EIF2AK1: variants seen among roughly 807,000 people sequenced by gnomAD.
The protein encoded by EIF2AK1 is eukaryotic translation initiation factor 2 alpha kinase 1.
EIF2AK1 carries 54 observed loss-of-function variants against 77.9 expected under a neutral mutation model. The observed-to-expected ratio is 0.69, with a 90% CI of 0.56 to 0.87. The LOEUF is 0.87. Among genes scored for constraint, EIF2AK1 ranks in the 40% least tolerant of loss-of-function variants. EIF2AK1 has a pLI of 0.00. For missense variants in EIF2AK1, 810 were observed against 768.6 expected, an observed-to-expected ratio of 1.05 and a Z score of -0.64; for synonymous variants, 314 against 290.5, an observed-to-expected ratio of 1.08 and a Z score of -0.82.
chr7:6,028,550 C>T lies in EIF2AK1; in HGVS notation c.1530+65G>A, dbSNP rs547231558. ...TACAGGCGTGAGCCACTGCACCCAA[C>T]CCTGTATTGTTATTTAAGACTGCAG... On this transcript the variant is annotated intron_variant, in intron 13 of 14. Transcript: ENST00000199389. 1.8e-5 allele frequency: 28 copies of T among 1,530,014 alleles called. No homozygotes were observed. In the East Asian group the frequency reaches 5.6e-4, roughly 31 times the overall value. 94.8% of individuals were successfully genotyped at this position (1,530,014 alleles called of 1,614,324 possible). A position where few individuals can be genotyped will look rare whatever the true frequency, so the allele number is the denominator to read the frequency against.
chr7:6,030,285 G>C (rs1787869231), intron 11 of EIF2AK1, among the ~76,000 whole-genome samples: 1 of 152,174 alleles, frequency 6.6e-6, no homozygotes, highest in Admixed American at 6.6e-5. Context: ...CGTCCGGGAA[G>C]ATCGTAACCC....
chr7:6,046,010 AC>A, intron 6 of EIF2AK1, 60 bp downstream of exon 6: 1 of 1,150,382 alleles, frequency 8.7e-7, no homozygotes, highest in Non-Finnish European at 1.2e-6. Flanking sequence ...TACATGTATA[AC>A]TCTTTCAAAA....
Position 6,042,926 on chromosome 7 carries a change from G to A in EIF2AK1, c.791+7C>T. On this transcript the variant is annotated splice_region_variant and intron_variant, in intron 8 of 14. Coordinates refer to ENST00000199389, the MANE Select transcript of EIF2AK1 (RefSeq NM_014413.4). ...GAGGTAATGTCCTAATATGTAAAAG[G>A]ACATACCTGTCCTCTTCCTGGTCGG... The A allele has an allele frequency of 6.2e-7, 1 of 1,612,938 alleles. No individual in the cohort carries two copies. The highest frequency in any genetic ancestry group is 8.5e-7 in the Non-Finnish European group (1 of 1,179,052).
In EIF2AK1 at chr7:6,033,211, C is replaced by T. The variant is rs531235089; in HGVS notation, c.1333-4179G>A. Among the ~76,000 whole-genome samples, 3 of 152,138 alleles carry T rather than the reference C, an allele frequency of 2.0e-5. No individual in the cohort carries two copies. Among genetic ancestry groups the T allele is most frequent in the Non-Finnish European group, 4.4e-5 (3 of 68,020 alleles). On this transcript the variant is annotated intron_variant, in intron 11 of 14. Coordinates refer to ENST00000199389, the MANE Select transcript of EIF2AK1 (RefSeq NM_014413.4). The surrounding 1 kb of genome is among the most constrained non-coding windows in gnomAD (Gnocchi z 4.4). Reference sequence around the variant, plus strand: ...CTTGAACTCCTGGCCTCAAGTGATCCACCTGCCTCGGCCTCCCAAAGTGCT... The same window carrying T: ...CTTGAACTCCTGGCCTCAAGTGATCTACCTGCCTCGGCCTCCCAAAGTGCT...
intron 3 of EIF2AK1, 127 bp from the exon 4 acceptor site, chr7:6,048,971 T>C (rs941444586): frequency 1.6e-6 from 1 of 625,274 alleles, no homozygotes. Context: ...CACTGGCTTT[T>C]TCAGTATTAC....
chr7:6,041,698 G>C (rs927242851), intron 8 of EIF2AK1, among the ~76,000 whole-genome samples: 1 of 152,006 alleles, frequency 6.6e-6, no homozygotes, highest in East Asian at 1.9e-4. Context: ...AAAATTGGCC[G>C]GGTGTGGTGG....
chr7:6,024,580 T>C lies in EIF2AK1; in HGVS notation c.*93A>G. On this transcript the variant is annotated 3_prime_UTR_variant, in exon 15 of 15. Transcript: ENST00000199389. ...CATCTTTAACAAGTCTTGTAAAGGC[T>C]TACTAAATACAACGAAGCATTGTAC... is the stretch of plus-strand genomic sequence containing the variant. 1 of 1,580,970 alleles carries C rather than the reference T, an allele frequency of 6.3e-7. No homozygotes were observed. The highest frequency in any genetic ancestry group is 2.3e-5 in the East Asian group (1 of 44,072).
chr7:6,028,776 T>C, intron 12 of EIF2AK1, 79 bp from the exon 13 acceptor site: 1 of 1,460,588 alleles, frequency 6.8e-7, no homozygotes, highest in Non-Finnish European at 9.6e-7. Flanking sequence ...GAGGAAGCAG[T>C]GTAGCTCCTA....
rs770727290 is a variant in EIF2AK1 at position 6,032,964 on chromosome 7, CTTTT to C, written c.1333-3936_1333-3933del. 6.6e-7 allele frequency: 1 copy of C among 1,512,454 alleles called. No individual in the cohort carries two copies. The highest frequency in any genetic ancestry group is 9.0e-7 in the Non-Finnish European group (1 of 1,116,618). 93.7% of individuals were successfully genotyped at this position (1,512,454 alleles called of 1,614,324 possible). ...AAGTTAACTCCACCGAAAATCATTT[CTTTT>C]TTTTTCTTTTTTGTTTTGAGGCAGG... On this transcript the variant is annotated intron_variant, in intron 11 of 14. Coordinates refer to ENST00000199389, the MANE Select transcript of EIF2AK1 (RefSeq NM_014413.4). The surrounding 1 kb of genome is among the most constrained non-coding windows in gnomAD (Gnocchi z 4.3).
chr7:6,031,373 C>A (rs1787906607), intron 11 of EIF2AK1: 1 of 1,550,426 alleles, frequency 6.4e-7, no homozygotes, highest in Non-Finnish European at 8.7e-7. Context: ...TTAAGTTTTT[C>A]TCATGGGGAA....
rs1787767957 is a variant in EIF2AK1, at chr7:6,027,037, C to T, written c.1531-76G>A. ...AACGTTTCCATTTCCGTGTTCCACC[C>T]TCCAAACAGGAGAGGGTTTCTAAGA... On this transcript the variant is annotated intron_variant, in intron 13 of 14. Coordinates refer to ENST00000199389, the MANE Select transcript of EIF2AK1 (RefSeq NM_014413.4). This position sits in a 1 kb window ranked among gnomAD's most constrained non-coding sequence, Gnocchi z 4.5. 1.6e-6 allele frequency: 2 copies of T among 1,219,062 alleles called. No individual in the cohort carries two copies. Among genetic ancestry groups the T allele is most frequent in the African/African-American group, 1.5e-5 (1 of 67,026 alleles). The allele number at this position is 1,219,062 out of a possible 1,614,324, so 75.5% of individuals were successfully genotyped here.
intron 2 of EIF2AK1, 110 bp from the exon 3 acceptor site, chr7:6,050,155 C>A: frequency 1.2e-6 from 1 of 818,162 alleles, no homozygotes. Context: ...ACAAAAACCT[C>A]AATAGGAAAA....
Position 6,032,960 on chromosome 7 carries a change from ATTTCTTTTTT to A in EIF2AK1, c.1333-3938_1333-3929del. The A allele has an allele frequency of 6.5e-7, 1 of 1,533,882 alleles. No individual in the cohort carries two copies. ...AGGTAAGTTAACTCCACCGAAAATC[ATTTCTTTTTT>A]TTTCTTTTTTGTTTTGAGGCAGGGG... On this transcript the variant is annotated intron_variant, in intron 11 of 14. Coordinates refer to ENST00000199389, the MANE Select transcript of EIF2AK1 (RefSeq NM_014413.4). The surrounding 1 kb of genome is among the most constrained non-coding windows in gnomAD (Gnocchi z 4.3).
At position 6,059,045 on chromosome 7, in the gene EIF2AK1, C is replaced by A; in HGVS notation, c.39G>T (p.Glu13Asp). 6.6e-7 allele frequency: 1 copy of A among 1,506,500 alleles called. No homozygotes were observed. The highest frequency in any genetic ancestry group is 8.8e-7 in the Non-Finnish European group (1 of 1,133,216). 93.3% of individuals were successfully genotyped at this position (1,506,500 alleles called of 1,614,324 possible). A position where few individuals can be genotyped will look rare whatever the true frequency, so the allele number is the denominator to read the frequency against. Residue 13 changes from glutamate to aspartate, a missense_variant, in exon 1 of 15, where the codon GAG becomes GAT. This residue lies in a region of EIF2AK1 where 246 missense variants were observed against 199.0 expected (regional missense o/e 1.24). Coordinates refer to ENST00000199389, the MANE Select transcript of EIF2AK1 (RefSeq NM_014413.4). ...GGNSGVRKREEEGDGAGAVAA... is the reference protein window; with the variant it reads ...GGNSGVRKREDEGDGAGAVAA... Reference sequence around the variant, plus strand: ...CCACAGCCCCAGCCCCGTCGCCCTCCTCTTCGCGCTTGCGGACCCCGGAGT... The same window carrying A: ...CCACAGCCCCAGCCCCGTCGCCCTCATCTTCGCGCTTGCGGACCCCGGAGT...
rs768015662 is a variant in EIF2AK1 at position 6,026,734 on chromosome 7, A to G, written c.1758T>C (p.Ser586=). The part of the protein sequence containing the change: ...QLLQSELFQN[S]GNVNLTLQMK... ...GAGAAAGAAAAGCACATACATTTCCAGAATTTTGGAAAAGTTCACTCTGCA... is the reference window on the plus strand; with the variant it reads ...GAGAAAGAAAAGCACATACATTTCCGGAATTTTGGAAAAGTTCACTCTGCA... The change falls in exon 14 of 15, where the codon TCT becomes TCC. Residue 586 remains serine (S), a synonymous_variant. Transcript: ENST00000199389. 6.2e-7 allele frequency: 1 copy of G among 1,613,554 alleles called. No individual in the cohort carries two copies. The highest frequency in any genetic ancestry group is 1.7e-5 in the Admixed American group (1 of 60,036).
intron 1 of EIF2AK1, among the ~76,000 whole-genome samples, chr7:6,056,376 C>G (rs1209452068): frequency 1.4e-5 from 2 of 145,478 alleles, no homozygotes; most frequent in Non-Finnish European, 3.0e-5. Flanking sequence ...AGCTGTATCA[C>G]AAGGTCAGGA....
chr7:6,059,142 C>G lies in EIF2AK1; in HGVS notation c.-59G>C, dbSNP rs998752683. 3.4e-6 allele frequency: 4 copies of G among 1,162,172 alleles called. No homozygotes were observed. The highest frequency in any genetic ancestry group is 4.2e-5 in the Admixed American group (1 of 23,782). The allele number at this position is 1,162,172 out of a possible 1,614,324, so 72.0% of individuals were successfully genotyped here. On this transcript the variant is annotated 5_prime_UTR_variant, in exon 1 of 15. Transcript: ENST00000199389. ...CGGCCAGCCCAGCACTGCCACACTC[C>G]GATGCTGCAGCTAGCGCCGTCCGAC... is the stretch of plus-strand genomic sequence containing the variant.
rs113118485 is a variant in EIF2AK1 at position 6,036,568 on chromosome 7, GT to G, written c.1332+855del. Among the ~76,000 whole-genome samples, 10,966 of 143,920 alleles carry G rather than the reference GT, an allele frequency of 0.076. 667 individuals carry two copies. Among genetic ancestry groups the G allele is most frequent in the East Asian group, 0.35 (1,749 of 5,008 alleles). 94.4% of individuals were successfully genotyped at this position (143,920 alleles called of 152,430 possible). A position where few individuals can be genotyped will look rare whatever the true frequency, so the allele number is the denominator to read the frequency against. ...TGTCTATTAACATTTTTGTTCCTAGGTTTTTTTTTTTTTCATGCCCTTTCCA... is the reference window on the plus strand; with the variant it reads ...TGTCTATTAACATTTTTGTTCCTAGGTTTTTTTTTTTTCATGCCCTTTCCA... On this transcript the variant is annotated intron_variant, in intron 11 of 14. Coordinates refer to ENST00000199389, the MANE Select transcript of EIF2AK1 (RefSeq NM_014413.4). This position sits in a 1 kb window ranked among gnomAD's most constrained non-coding sequence, Gnocchi z 4.6.
At chr7:6,047,294 A>T in intron 4 of EIF2AK1, 1 of 681,542 alleles carries the variant, frequency 1.5e-6, no homozygotes, top group Non-Finnish European at 2.7e-6. Flanking sequence ...GGGTATTCCA[A>T]GTAGAAATTA....
Sources: gnomAD v4.1 joint callset for allele counts (sites outside exome capture counted in the v4.1 genomes callset) on GRCh38, gnomAD v4.1.1 for gene constraint, gnomAD v4.1.1 regional missense constraint, Gnocchi (gnomAD v3.1) non-coding constraint, MANE v1.5 for transcripts, NCBI Gene and HGNC (gene_info 2026-07-23, HGNC 2026-07-21) for gene names.